Variants in KCNG1 observed in about 807,000 individuals in gnomAD.
KCNG1 encodes the protein voltage-gated potassium channel regulatory subunit KCNG1.
A neutral mutation model predicts 32.4 loss-of-function variants in KCNG1; 17 were observed. That is an observed-to-expected ratio of 0.52 (90% CI 0.36 to 0.79). The LOEUF is 0.79. Among genes scored for constraint, KCNG1 ranks in the 30% least tolerant of loss-of-function variants. The probability of loss-of-function intolerance (pLI) is 0.00; values close to 1 mark genes in which losing one functional copy is unlikely to be tolerated. For missense variants in KCNG1, 441 were observed against 735.2 expected, an observed-to-expected ratio of 0.60 and a Z score of 4.63; for synonymous variants, 358 against 339.9, an observed-to-expected ratio of 1.05 and a Z score of -0.59.
rs1472061714 is a variant in KCNG1 at position 51,004,006 on chromosome 20, A to C, written c.*33T>G. On this transcript the variant is annotated 3_prime_UTR_variant, in exon 3 of 3. Transcript: ENST00000371571. The surrounding 1 kb of genome is among the most constrained non-coding windows in gnomAD (Gnocchi z 4.3). Reference sequence around the variant, plus strand: ...GTGGATGGCAATGGCTTCGGGCCACAGATGGCAGGCAGGGCAGGCGTGTCC... The same window carrying C: ...GTGGATGGCAATGGCTTCGGGCCACCGATGGCAGGCAGGGCAGGCGTGTCC... 5.0e-6 allele frequency: 8 copies of C among 1,595,912 alleles called. No individual in the cohort carries two copies. Among genetic ancestry groups the C allele is most frequent in the Non-Finnish European group, 6.8e-6 (8 of 1,169,278 alleles).
chr20:51,003,689 T>C lies in KCNG1; in HGVS notation c.*350A>G, dbSNP rs974219191. 33 of 174,908 alleles carry C rather than the reference T, an allele frequency of 1.9e-4. No homozygotes were observed. Among genetic ancestry groups the C allele is most frequent in the Non-Finnish European group, 3.7e-4 (31 of 83,864 alleles). 10.8% of individuals were successfully genotyped at this position (174,908 alleles called of 1,614,324 possible). ...CTGCTGTTTGTATTTTTTTTTTTTT[T>C]CTCCAGGCAGACCCATAAAGCAAGT... is the stretch of plus-strand genomic sequence containing the variant. On this transcript the variant is annotated 3_prime_UTR_variant, in exon 3 of 3. Transcript: ENST00000371571.
At chr20:51,010,587 C>A (rs978817815) in intron 1 of KCNG1, among the ~76,000 whole-genome samples, 25 of 152,146 alleles carry the variant, frequency 1.6e-4, no homozygotes, top group Admixed American at 7.2e-4. Flanking sequence ...CGATGGGATT[C>A]GTGTTCTTAT....
chr20:51,017,995 G>T (rs1254251129), intron 1 of KCNG1, among the ~76,000 whole-genome samples: 1 of 152,222 alleles, frequency 6.6e-6, no homozygotes, highest in Non-Finnish European at 1.5e-5. Context: ...TTGAGGAAAA[G>T]GTGATGCTTA....
rs142063355 is a variant in KCNG1, at chr20:51,020,505, C to G, written c.-27+2365G>C. 6.3e-3 allele frequency among the ~76,000 whole-genome samples: 952 copies of G among 152,314 alleles called. 11 individuals are homozygous for G. The highest frequency in any genetic ancestry group is 0.022 in the African/African-American group (908 of 41,562). On this transcript the variant is annotated intron_variant, in intron 1 of 2. Coordinates refer to ENST00000371571, the MANE Select transcript of KCNG1 (RefSeq NM_002237.4). The stretch of plus-strand genomic sequence containing the variant: ...CATTTCTGATTTCGTTAATCAAATA[C>G]AGTCTGCTGGATGATAAAAATGGTC...
intron 1 of KCNG1, 91 bp from the exon 2 acceptor site, chr20:51,010,455 A>G: frequency 4.4e-6 from 4 of 912,612 alleles, no homozygotes; most frequent in Non-Finnish European, 4.8e-6. Context: ...ACTGTTAGGG[A>G]TGGAATCTTT....
rs143756351 is a variant in KCNG1 at position 51,004,779 on chromosome 20, C to T, written c.802G>A (p.Val268Ile). ...ACGCACACCGACTCCACGATGAAGA[C>T]GTTGTGGCACATCTGGGAACAGTGG... The part of the protein sequence containing the change: ...QGHCSQMCHN[V>I]FIVESVCVGW... Residue 268 changes from valine to isoleucine, a missense_variant, in exon 3 of 3, where the codon GTC (valine) becomes ATC (isoleucine). This residue lies in a region of KCNG1 where 169 missense variants were observed against 297.7 expected (regional missense o/e 0.57). Coordinates refer to ENST00000371571, the MANE Select transcript of KCNG1 (RefSeq NM_002237.4). This position sits in a 1 kb window ranked among gnomAD's most constrained non-coding sequence, Gnocchi z 4.3. 45 of 1,578,882 alleles carry T rather than the reference C, an allele frequency of 2.9e-5. No individual in the cohort carries two copies. The African/African-American group carries it at 5.0e-4, about 17-fold the overall frequency.
intron 2 of KCNG1, among the ~76,000 whole-genome samples, chr20:51,009,180 T>C (rs1381861263): frequency 6.6e-6 from 1 of 152,036 alleles, no homozygotes; most frequent in Non-Finnish European, 1.5e-5. Flanking sequence ...GACCGAATGG[T>C]TGAGATAAAT....
In KCNG1 at chr20:51,004,426, G is replaced by A. The variant is rs776720111; in HGVS notation, c.1155C>T (p.Cys385=). 1.2e-6 allele frequency: 2 copies of A among 1,609,616 alleles called. No individual in the cohort carries two copies. Among genetic ancestry groups the A allele is most frequent in the Non-Finnish European group, 1.7e-6 (2 of 1,176,674 alleles). The change falls in exon 3 of 3, where the codon TGC becomes TGT. Residue 385 remains cysteine (C), a synonymous_variant. Transcript: ENST00000371571. This position sits in a 1 kb window ranked among gnomAD's most constrained non-coding sequence, Gnocchi z 4.3. ...REFGLLLLFL[C]VAIALFAPLL... ...GGGGCGCGAAGAGGGCGATGGCCAC[G>A]CAGAGGAAGAGCAGCAGGAGCCCGA...
Position 51,010,349 on chromosome 20 carries a change from C to T in KCNG1, c.-11G>A. The T allele has an allele frequency of 1.3e-6, 2 of 1,502,408 alleles. No individual in the cohort carries two copies. The highest frequency in any genetic ancestry group is 1.8e-6 in the Non-Finnish European group (2 of 1,134,512). 93.1% of individuals were successfully genotyped at this position (1,502,408 alleles called of 1,614,324 possible). On this transcript the variant is annotated 5_prime_UTR_variant, in exon 2 of 3. The change abolishes the stop of an existing upstream ORF in the 5' untranslated region. Transcript: ENST00000371571. Reference sequence around the variant, plus strand: ...CGGTAAGAGGGTCATTTTGGGCCTTCACATCCCTCTCGGGCCTGTGGGGAG... The same window carrying T: ...CGGTAAGAGGGTCATTTTGGGCCTTTACATCCCTCTCGGGCCTGTGGGGAG...
Position 51,004,767 on chromosome 20 carries a change from C to A in KCNG1, c.814G>T (p.Glu272Ter). ...SQMCHNVFIV[E>*]SVCVGWFSLE... ...GAGAACCAGCCCACGCACACCGACT[C>A]CACGATGAAGACGTTGTGGCACATC... Residue 272 changes from glutamate (E) to a stop codon, truncating the protein, a stop_gained, in exon 3 of 3, where the codon GAG becomes TAG. Transcript: ENST00000371571. LOFTEE classifies it high-confidence loss of function. The surrounding 1 kb of genome is among the most constrained non-coding windows in gnomAD (Gnocchi z 4.3). 1 of 1,586,162 alleles carries A rather than the reference C, an allele frequency of 6.3e-7. No homozygotes were observed. The highest frequency in any genetic ancestry group is 8.6e-7 in the Non-Finnish European group (1 of 1,163,688).
At chr20:51,020,424 C>G (rs1988435846) in intron 1 of KCNG1, among the ~76,000 whole-genome samples, 1 of 152,108 alleles carries the variant, frequency 6.6e-6, no homozygotes, top group Non-Finnish European at 1.5e-5. Flanking sequence ...AGACTCACCT[C>G]AGGGCAACGG....
In KCNG1 at chr20:51,004,623, C is replaced by A. The variant is rs750921918; in HGVS notation, c.958G>T (p.Gly320Cys). The A allele has an allele frequency of 1.9e-6, 3 of 1,591,056 alleles. No individual in the cohort carries two copies. The highest frequency in any genetic ancestry group is 2.6e-6 in the Non-Finnish European group (3 of 1,168,588). ...LPYYITLLVD[G>C]AAAGRRKPGA... ...GGCTTGCGACGGCCTGCGGCGGCGC[C>A]GTCCACCAGCAGCGTGATGTAGTAG... The change falls in exon 3 of 3, where the codon GGC becomes TGC. Residue 320 changes from glycine (G) to cysteine (C), a missense_variant. Physicochemically the swap from Gly to Cys is radical, Grantham distance 159. Coordinates refer to ENST00000371571, the MANE Select transcript of KCNG1 (RefSeq NM_002237.4). The surrounding 1 kb of genome is among the most constrained non-coding windows in gnomAD (Gnocchi z 4.3).
At chr20:51,018,493 C>T (rs951985246) in intron 1 of KCNG1, among the ~76,000 whole-genome samples, 4 of 152,260 alleles carry the variant, frequency 2.6e-5, no homozygotes, top group East Asian at 1.9e-4. Flanking sequence ...CAACAAGCTG[C>T]GGGCCTCTCT....
intron 1 of KCNG1, among the ~76,000 whole-genome samples, chr20:51,012,743 T>C (rs1988139945): frequency 6.6e-6 from 1 of 152,202 alleles, no homozygotes; most frequent in African/African-American, 2.4e-5. Context: ...TTGGCTTCTT[T>C]TAAAAAATCA....
At chr20:51,013,373 T>C (rs1303598999) in intron 1 of KCNG1, among the ~76,000 whole-genome samples, 1 of 151,804 alleles carries the variant, frequency 6.6e-6, no homozygotes, top group Non-Finnish European at 1.5e-5. Context: ...TGGAATCAAG[T>C]GGTAAAAATC....
At chr20:51,016,199 G>A (rs1295966004) in intron 1 of KCNG1, among the ~76,000 whole-genome samples, 1 of 152,214 alleles carries the variant, frequency 6.6e-6, no homozygotes, top group African/African-American at 2.4e-5. Flanking sequence ...CACTTTGGGA[G>A]GCCAAGGCGG....
chr20:51,016,660 T>G (rs140175906), intron 1 of KCNG1, among the ~76,000 whole-genome samples: 48 of 152,284 alleles, frequency 3.2e-4, no homozygotes, highest in African/African-American at 1.2e-3. Context: ...TACAAACAGC[T>G]CCTGCGTCCT....
At chr20:51,018,762 AT>A (rs1276253901) in intron 1 of KCNG1, among the ~76,000 whole-genome samples, 1 of 152,198 alleles carries the variant, frequency 6.6e-6, no homozygotes, top group Non-Finnish European at 1.5e-5. Context: ...GTGAAAACTT[AT>A]GTCTGGCAAT....
At position 51,015,193 on chromosome 20, in the gene KCNG1, T is replaced by C. The variant is rs1451757862; in HGVS notation, c.-26-4829A>G. 6.6e-6 allele frequency among the ~76,000 whole-genome samples: 1 copy of C among 151,362 alleles called. No homozygotes were observed. Among genetic ancestry groups the C allele is most frequent in the African/African-American group, 2.4e-5 (1 of 41,134 alleles). ...TGGAAGTCCCAGAGAACAGGAGGGA[T>C]TTGGGATGAACTTTGGAGGAAGAGC... On this transcript the variant is annotated intron_variant, in intron 1 of 2. Coordinates refer to ENST00000371571, the MANE Select transcript of KCNG1 (RefSeq NM_002237.4). The surrounding 1 kb of genome is among the most constrained non-coding windows in gnomAD (Gnocchi z 4.4).
Sources: gnomAD v4.1 joint callset for allele counts (sites outside exome capture counted in the v4.1 genomes callset) on GRCh38, gnomAD v4.1.1 for gene constraint, gnomAD v4.1.1 regional missense constraint, Gnocchi (gnomAD v3.1) non-coding constraint, MANE v1.5 for transcripts, NCBI Gene and HGNC (gene_info 2026-07-23, HGNC 2026-07-21) for gene names.